MARCHF1: variants seen among roughly 807,000 people sequenced by gnomAD.
The protein encoded by MARCHF1 is membrane associated ring-CH-type finger 1, also known as E3 ubiquitin-protein ligase MARCHF1.
Under a neutral mutation model 54.2 loss-of-function variants are expected in MARCHF1, and 40 were observed. That is an observed-to-expected ratio of 0.74 (90% confidence interval 0.57 to 0.96). The LOEUF (loss-of-function observed/expected upper bound fraction) is 0.96. Ranked by LOEUF, MARCHF1 falls within the 40% of genes least tolerant of loss-of-function variation. The pLI is 0.00. For synonymous variants in MARCHF1, 236 were observed against 236.3 expected (o/e 1.00, Z 0.01); for missense variants, 586 against 656.5 (o/e 0.89, Z 1.17).
chr4:164,286,425 G>T (rs2111352780), intron 1 of MARCHF1, among the ~76,000 whole-genome samples: 1 of 151,758 alleles, frequency 6.6e-6, no homozygotes, highest in African/African-American at 2.4e-5. Flanking sequence ...ACATATTTTG[G>T]CAATGTTTAG....
In MARCHF1 at chr4:164,000,719, G is replaced by T. The variant is rs375622407; in HGVS notation, c.-247-12010C>A. On this transcript the variant is annotated intron_variant, in intron 2 of 9. Transcript: ENST00000514618. Reference sequence around the variant, plus strand: ...CATACAATGGATAATAGCTATACTTGGTTTGAAAATAAAATAAATTCTGTA... The same window carrying T: ...CATACAATGGATAATAGCTATACTTTGTTTGAAAATAAAATAAATTCTGTA... 1.5e-4 allele frequency among the ~76,000 whole-genome samples: 23 copies of T among 151,596 alleles called. No individual in the cohort carries two copies. In the East Asian group the frequency reaches 4.3e-3, roughly 28 times the overall value.
intron 2 of MARCHF1, among the ~76,000 whole-genome samples, chr4:164,058,722 T>A (rs532107045): frequency 2.5e-4 from 38 of 152,174 alleles, no homozygotes; most frequent in African/African-American, 9.2e-4. Context: ...CTGTCACTGA[T>A]GAAATTGACA....
At chr4:164,176,968 C>CCATATATATA (rs1201114627) in intron 1 of MARCHF1, among the ~76,000 whole-genome samples, 15 of 43,338 alleles carry the variant, frequency 3.5e-4, no homozygotes, top group African/African-American at 1.6e-3. Context: ...CTCTCTCTCT[C>CCATATATATA]TCTCTCTCTC....
chr4:163,995,392 T>A (rs1314846345), intron 2 of MARCHF1, among the ~76,000 whole-genome samples: 1 of 152,040 alleles, frequency 6.6e-6, no homozygotes, highest in African/African-American at 2.4e-5. Context: ...GTTTTTATGA[T>A]ATGATTGATT....
At chr4:163,662,637 C>G (rs1354130990) in intron 5 of MARCHF1, among the ~76,000 whole-genome samples, 1 of 151,994 alleles carries the variant, frequency 6.6e-6, no homozygotes, top group Non-Finnish European at 1.5e-5. Flanking sequence ...ATCTGTTGAT[C>G]TCTGGATATT....
rs184619553 is a variant in MARCHF1 at position 163,981,001 on chromosome 4, G to A, written c.-39+7500C>T. Among the ~76,000 whole-genome samples the A allele has an allele frequency of 1.6e-3, 243 of 152,290 alleles. 1 individual carries two copies. Among genetic ancestry groups the A allele is most frequent in the Admixed American group, 2.9e-3 (44 of 15,278 alleles). ...GAAATCAACCTATTTAGGTTTACAG[G>A]TAAGGATAATTACTATAGAATCTGA... On this transcript the variant is annotated intron_variant, in intron 3 of 9. Transcript: ENST00000514618.
intron 1 of MARCHF1, among the ~76,000 whole-genome samples, chr4:164,183,944 A>G (rs542931144): frequency 3.9e-5 from 6 of 152,328 alleles, no homozygotes; most frequent in African/African-American, 1.2e-4. Flanking sequence ...TGAAGGAGGA[A>G]GCAGAGGAAA....
At chr4:164,167,821 TAGAAG>T (rs1730420392) in intron 1 of MARCHF1, among the ~76,000 whole-genome samples, 1 of 151,902 alleles carries the variant, frequency 6.6e-6, no homozygotes, top group African/African-American at 2.4e-5. Flanking sequence ...ATTAAACTCC[TAGAAG>T]AGAACATAGA....
chr4:163,636,675 G>A (rs895910691), intron 5 of MARCHF1, among the ~76,000 whole-genome samples: 2 of 151,886 alleles, frequency 1.3e-5, no homozygotes, highest in African/African-American at 4.8e-5. Flanking sequence ...ACTGCCCAAG[G>A]TAATTTACAG....
intron 1 of MARCHF1, among the ~76,000 whole-genome samples, chr4:164,139,045 G>T (rs528367510): frequency 3.9e-5 from 6 of 152,132 alleles, no homozygotes; most frequent in Non-Finnish European, 8.8e-5. Context: ...TTAAAGCAAT[G>T]ATTTTATTTT....
At chr4:164,149,968 C>T (rs1309698610) in intron 1 of MARCHF1, among the ~76,000 whole-genome samples, 1 of 152,104 alleles carries the variant, frequency 6.6e-6, no homozygotes, top group Non-Finnish European at 1.5e-5. Flanking sequence ...TGATGAAAAT[C>T]TCTTTGTTAC....
chr4:164,357,073 T>G (rs1730574866), intron 1 of MARCHF1, among the ~76,000 whole-genome samples: 1 of 151,140 alleles, frequency 6.6e-6, no homozygotes, highest in African/African-American at 2.4e-5. Context: ...AGTTTACCTA[T>G]ATAACAAATC....
chr4:164,081,587 A>G (rs184433678), intron 2 of MARCHF1, among the ~76,000 whole-genome samples: 53 of 152,230 alleles, frequency 3.5e-4, no homozygotes, highest in Non-Finnish European at 4.1e-4. Flanking sequence ...TCCTTCACCT[A>G]GCAGCATGAC....
At position 164,292,560 on chromosome 4, in the gene MARCHF1, A is replaced by T. The variant is rs114724083; in HGVS notation, c.-323+91310T>A. Reference sequence around the variant, plus strand: ...CACATGGTTTGTTTACAGAACTACCATAGTGTTGCAGGTTTACTGTCATGC... The same window carrying T: ...CACATGGTTTGTTTACAGAACTACCTTAGTGTTGCAGGTTTACTGTCATGC... On this transcript the variant is annotated intron_variant, in intron 1 of 9. Coordinates refer to ENST00000514618, the MANE Select transcript of MARCHF1 (RefSeq NM_001394959.1). Among the ~76,000 whole-genome samples, 307 of 152,302 alleles carry T rather than the reference A, an allele frequency of 2.0e-3. 2 individuals carry two copies. Among genetic ancestry groups the T allele is most frequent in the Middle Eastern group, 0.01 (3 of 294 alleles).
chr4:163,628,578 T>C lies in MARCHF1; in HGVS notation c.163-15185A>G, dbSNP rs555643379. 1.2e-4 allele frequency among the ~76,000 whole-genome samples: 18 copies of C among 152,196 alleles called. No individual in the cohort carries two copies. In the South Asian group the frequency reaches 2.7e-3, roughly 23 times the overall value. ...TCAGGAAAGAGGAAGAAATAAAGGG[T>C]ATTCAAACAGGAAGAGAGGAAGTCA... is the stretch of plus-strand genomic sequence containing the variant. On this transcript the variant is annotated intron_variant, in intron 5 of 9. Coordinates refer to ENST00000514618, the MANE Select transcript of MARCHF1 (RefSeq NM_001394959.1).
chr4:163,807,849 G>A (rs892033988), intron 4 of MARCHF1, among the ~76,000 whole-genome samples: 6 of 151,616 alleles, frequency 4.0e-5, no homozygotes, highest in Admixed American at 2.0e-4. Flanking sequence ...CCTCTTATAC[G>A]TTTCTGTTTT....
chr4:163,927,146 T>C (rs144460937), intron 3 of MARCHF1, among the ~76,000 whole-genome samples: 1 of 151,846 alleles, frequency 6.6e-6, no homozygotes, highest in East Asian at 1.9e-4. Flanking sequence ...TTTTTTACAA[T>C]GAGGCTTCAC....
At chr4:164,142,497 C>T (rs1259653023) in intron 1 of MARCHF1, among the ~76,000 whole-genome samples, 2 of 152,202 alleles carry the variant, frequency 1.3e-5, no homozygotes, top group African/African-American at 4.8e-5. Context: ...ACAGCCTCCT[C>T]AAGTGGGTCC....
At chr4:163,926,894 TA>T (rs928436067) in intron 3 of MARCHF1, among the ~76,000 whole-genome samples, 1 of 151,002 alleles carries the variant, frequency 6.6e-6, no homozygotes, top group Non-Finnish European at 1.5e-5. Context: ...CTAGCAAAAT[TA>T]AAAAAAACAA....
Sources: allele counts gnomAD v4.1 joint callset (sites outside exome capture counted in the v4.1 genomes callset), GRCh38; gene constraint gnomAD v4.1.1; transcripts MANE v1.5; gene names NCBI Gene and HGNC (gene_info 2026-07-23, HGNC 2026-07-21).